Variants in SEMA6D observed in about 807,000 individuals in gnomAD.
SEMA6D encodes semaphorin-6D.
A neutral mutation model predicts 106.6 loss-of-function variants in SEMA6D; 35 were observed. The ratio of observed to expected loss-of-function variants is 0.33; its 90% confidence interval spans 0.25 to 0.44. SEMA6D has a LOEUF of 0.44. Ranked by LOEUF, SEMA6D falls within the 20% of genes least tolerant of loss-of-function variation. SEMA6D has a pLI of 1.00. For synonymous variants in SEMA6D, 499 were observed against 487.7 expected (o/e 1.02, Z -0.31); for missense variants, 1,185 against 1,345.9 (o/e 0.88, Z 1.87).
chr15:47,456,313 CTTTA>C (rs2042345209), intron 2 of SEMA6D, among the ~76,000 whole-genome samples: 2 of 151,916 alleles, frequency 1.3e-5, no homozygotes, highest in Admixed American at 6.6e-5. Context: ...AAAAATGAAT[CTTTA>C]TTTTCACTTA....
intron 1 of SEMA6D, among the ~76,000 whole-genome samples, chr15:47,750,388 AAAAT>A (rs764461136): frequency 6.6e-6 from 1 of 152,210 alleles, no homozygotes; most frequent in Admixed American, 6.5e-5. Context: ...TGTATTGCAT[AAAAT>A]CAGTCCAGAT....
At chr15:47,505,421 C>A (rs187277276) in intron 3 of SEMA6D, among the ~76,000 whole-genome samples, 58 of 152,284 alleles carry the variant, frequency 3.8e-4, no homozygotes, top group African/African-American at 1.2e-3. Context: ...TTCTGCGAAA[C>A]AACTGGCTTA....
intron 1 of SEMA6D, among the ~76,000 whole-genome samples, chr15:47,248,177 C>G (rs961222682): frequency 5.9e-5 from 9 of 152,114 alleles, no homozygotes; most frequent in Non-Finnish European, 1.2e-4. Context: ...AAATCAGAGA[C>G]AATTCATTCT....
intron 1 of SEMA6D, among the ~76,000 whole-genome samples, chr15:47,382,202 T>G (rs2039662437): frequency 6.6e-6 from 1 of 152,062 alleles, no homozygotes; most frequent in African/African-American, 2.4e-5. Context: ...ACATGATGAG[T>G]CAAGCCTTTT....
chr15:47,337,342 G>A (rs149879375), intron 1 of SEMA6D, among the ~76,000 whole-genome samples: 1,684 of 152,242 alleles, frequency 0.011, 13 homozygotes, highest in Non-Finnish European at 0.014. Context: ...AAAAGAGAAC[G>A]TTGATGGCCA....
intron 4 of SEMA6D, among the ~76,000 whole-genome samples, chr15:47,700,913 GA>G (rs368291646): frequency 1.3e-5 from 2 of 151,990 alleles, no homozygotes; most frequent in African/African-American, 4.8e-5. Context: ...TACACACTTG[GA>G]AAAAAACATT....
intron 3 of SEMA6D, among the ~76,000 whole-genome samples, chr15:47,564,625 C>T (rs2046175896): frequency 6.6e-6 from 1 of 152,080 alleles, no homozygotes; most frequent in Admixed American, 6.5e-5. Flanking sequence ...AGGATGCTAG[C>T]CTAGATACTG....
chr15:47,600,174 C>T (rs1257639602), intron 3 of SEMA6D, among the ~76,000 whole-genome samples: 1 of 152,122 alleles, frequency 6.6e-6, no homozygotes, highest in East Asian at 1.9e-4. Flanking sequence ...TGGTGTTTGG[C>T]TTAACTGAAT....
chr15:47,207,991 G>GCATA (rs779884565), intron 1 of SEMA6D, among the ~76,000 whole-genome samples: 1 of 122,894 alleles, frequency 8.1e-6, no homozygotes, highest in African/African-American at 3.1e-5. Context: ...ACTGGCGCGC[G>GCATA]CGCACACACA....
chr15:47,493,144 T>TCC (rs2043526051), intron 3 of SEMA6D, among the ~76,000 whole-genome samples: 1 of 152,064 alleles, frequency 6.6e-6, no homozygotes, highest in African/African-American at 2.4e-5. Flanking sequence ...CCGCTAAAGG[T>TCC]CCCCATAGGA....
intron 4 of SEMA6D, among the ~76,000 whole-genome samples, chr15:47,674,272 G>T (rs1418162448): frequency 6.6e-6 from 1 of 152,166 alleles, no homozygotes; most frequent in African/African-American, 2.4e-5. Flanking sequence ...GAAATGTCAA[G>T]CCTGGCTTTC....
chr15:47,340,115 G>T (rs1186706026), intron 1 of SEMA6D, among the ~76,000 whole-genome samples: 1 of 152,154 alleles, frequency 6.6e-6, no homozygotes. Context: ...AGGCCATGAG[G>T]TAGAGGCATG....
At chr15:47,525,431 G>A (rs1476930665) in intron 3 of SEMA6D, 1 of 152,110 alleles carries the variant, frequency 6.6e-6, no homozygotes, top group Non-Finnish European at 1.5e-5. Flanking sequence ...ACATCTTCAG[G>A]GCTTCCTCTT....
intron 2 of SEMA6D, among the ~76,000 whole-genome samples, chr15:47,419,797 C>T (rs1159861894): frequency 3.3e-5 from 5 of 152,066 alleles, no homozygotes; most frequent in African/African-American, 1.2e-4. Context: ...CAGTGAAAGA[C>T]TTTCAGGAAG....
chr15:47,494,307 C>G (rs908856034), intron 3 of SEMA6D, among the ~76,000 whole-genome samples: 3 of 151,946 alleles, frequency 2.0e-5, no homozygotes, highest in African/African-American at 4.8e-5. Flanking sequence ...TATACACTAC[C>G]CTAAAATTGG....
intron 3 of SEMA6D, 67 bp downstream of exon 3, chr15:47,760,482 T>C: frequency 8.1e-7 from 1 of 1,234,630 alleles, no homozygotes; most frequent in Non-Finnish European, 1.2e-6. Flanking sequence ...CATTAGTGTG[T>C]CTAGTTCATG....
intron 2 of SEMA6D, among the ~76,000 whole-genome samples, chr15:47,431,813 T>A (rs1016191810): frequency 6.6e-6 from 1 of 152,176 alleles, no homozygotes; most frequent in Non-Finnish European, 1.5e-5. Flanking sequence ...GCTCGTGACA[T>A]CATGCCTTAT....
chr15:47,682,047 T>C (rs2078364546), intron 4 of SEMA6D, among the ~76,000 whole-genome samples: 1 of 152,156 alleles, frequency 6.6e-6, no homozygotes, highest in Admixed American at 6.5e-5. Context: ...AAAATGTCAC[T>C]GAGTAAGGCA....
chr15:47,554,984 A>G lies in SEMA6D; in HGVS notation c.-86-45881A>G, dbSNP rs146691387. ...TCGCTCTGATTGAAAATATCTTTGC[A>G]TGCCGTAAGTAGGCAGTGCTTTTTC... On this transcript the variant is annotated intron_variant, in intron 3 of 19. Coordinates refer to the SEMA6D transcript ENST00000558014. 4.7e-3 allele frequency among the ~76,000 whole-genome samples: 723 copies of G among 152,312 alleles called. 9 individuals are homozygous for G. The highest frequency in any genetic ancestry group is 0.026 in the Admixed American group (401 of 15,278).
Sources: gnomAD v4.1 joint callset for allele counts (sites outside exome capture counted in the v4.1 genomes callset) on GRCh38, gnomAD v4.1.1 for gene constraint, MANE v1.5 for transcripts, NCBI Gene and HGNC (gene_info 2026-07-23, HGNC 2026-07-21) for gene names.